The following SEMA6D variants were observed in gnomAD, a reference collection of about 807,000 sequenced individuals.
SEMA6D encodes semaphorin-6D.
SEMA6D carries 35 observed loss-of-function variants against 106.6 expected under a neutral mutation model. The observed-to-expected ratio is 0.33, with a 90% confidence interval of 0.25 to 0.44. The LOEUF is 0.44. SEMA6D is among the 20% of genes least tolerant of loss of function. The pLI, the probability that SEMA6D is intolerant of heterozygous loss-of-function variation, is 1.00. For synonymous variants in SEMA6D, 499 were observed against 487.7 expected, an observed-to-expected ratio of 1.02 and a Z score of -0.31; for missense variants, 1,185 against 1,345.9, an observed-to-expected ratio of 0.88 and a Z score of 1.87.
At chr15:47,302,154 C>G (rs1367125828) in intron 1 of SEMA6D, among the ~76,000 whole-genome samples, 1 of 152,122 alleles carries the variant, frequency 6.6e-6, no homozygotes, top group Non-Finnish European at 1.5e-5. Flanking sequence ...TTAATTTGCT[C>G]CAATTTACAC....
chr15:47,609,206 C>T (rs1039429399), intron 4 of SEMA6D, among the ~76,000 whole-genome samples: 12 of 152,076 alleles, frequency 7.9e-5, no homozygotes, highest in African/African-American at 2.7e-4. Context: ...GTAACTTTTG[C>T]GTCTATGTTA....
intron 1 of SEMA6D, among the ~76,000 whole-genome samples, chr15:47,267,053 T>G (rs1352733040): frequency 2.6e-5 from 4 of 152,134 alleles, no homozygotes; most frequent in African/African-American, 9.7e-5. Context: ...GGGGCTTTCT[T>G]TATTTCTGAG....
intron 1 of SEMA6D, among the ~76,000 whole-genome samples, chr15:47,254,882 T>TGC (rs2033717988): frequency 6.8e-6 from 1 of 147,268 alleles, no homozygotes; most frequent in South Asian, 2.1e-4. Flanking sequence ...GTTTTGTGTG[T>TGC]GTGTGTGTGT....
intron 1 of SEMA6D, among the ~76,000 whole-genome samples, chr15:47,257,837 CT>C (rs1225177274): frequency 4.6e-5 from 7 of 152,012 alleles, no homozygotes; most frequent in African/African-American, 1.7e-4. Flanking sequence ...GATTTTTCTG[CT>C]GAAGAAGAGT....
intron 3 of SEMA6D, among the ~76,000 whole-genome samples, chr15:47,552,614 A>G (rs972456532): frequency 1.4e-5 from 2 of 147,590 alleles, no homozygotes; most frequent in African/African-American, 5.0e-5. Flanking sequence ...ACATGTACAT[A>G]TTTTAGGTTT....
chr15:47,223,963 CA>C (rs2141410387), intron 1 of SEMA6D, among the ~76,000 whole-genome samples: 1 of 151,608 alleles, frequency 6.6e-6, no homozygotes, highest in East Asian at 1.9e-4. Context: ...ATTAAAATGC[CA>C]AAGCATTTTA....
chr15:47,350,063 T>C (rs549979040), intron 1 of SEMA6D, among the ~76,000 whole-genome samples: 125 of 152,196 alleles, frequency 8.2e-4, no homozygotes, highest in African/African-American at 2.9e-3. Flanking sequence ...GGAAAAATTT[T>C]TGTGTGTGCA....
chr15:47,715,243 G>A (rs936879098), upstream of SEMA6D, among the ~76,000 whole-genome samples: 2 of 152,144 alleles, frequency 1.3e-5, no homozygotes, highest in Admixed American at 6.5e-5. Flanking sequence ...AAAGCATAAG[G>A]TAGGGAGAGG....
intron 3 of SEMA6D, among the ~76,000 whole-genome samples, chr15:47,567,466 GTTCT>G (rs1200714300): frequency 6.6e-6 from 1 of 152,134 alleles, no homozygotes; most frequent in Non-Finnish European, 1.5e-5. Flanking sequence ...TCTCAAAATT[GTTCT>G]TTCTTCCTCA....
chr15:47,718,538 G>A (rs1212543971), intron 1 of SEMA6D: 1 of 152,310 alleles, frequency 6.6e-6, no homozygotes, highest in Non-Finnish European at 1.5e-5. Flanking sequence ...GCGCGCTGCG[G>A]GCGGACTCCC....
intron 3 of SEMA6D, among the ~76,000 whole-genome samples, chr15:47,513,200 C>T (rs943549475): frequency 6.6e-6 from 1 of 151,802 alleles, no homozygotes; most frequent in African/African-American, 2.4e-5. Flanking sequence ...AAAAGTGGCC[C>T]CCATCATCTG....
intron 1 of SEMA6D, among the ~76,000 whole-genome samples, chr15:47,401,873 A>G (rs979374921): frequency 7.2e-5 from 11 of 152,130 alleles, no homozygotes; most frequent in African/African-American, 2.4e-4. Flanking sequence ...CATTTGTCCA[A>G]TGTTTTTTCC....
chr15:47,201,634 A>T (rs282511), intron 1 of SEMA6D, among the ~76,000 whole-genome samples: 148,571 of 152,198 alleles, frequency 0.98, 72,624 homozygotes, highest in Middle Eastern at 1. Context: ...GCAGTCCCAC[A>T]GATCACAAAA....
At chr15:47,623,166 T>C (rs1417590540) in intron 4 of SEMA6D, among the ~76,000 whole-genome samples, 3 of 152,198 alleles carry the variant, frequency 2.0e-5, no homozygotes, top group African/African-American at 7.2e-5. Context: ...TTGTCCATGC[T>C]TCTTATCATG....
chr15:47,688,604 C>T (rs1034068109), intron 4 of SEMA6D, among the ~76,000 whole-genome samples: 3 of 152,190 alleles, frequency 2.0e-5, no homozygotes, highest in Middle Eastern at 6.8e-3. Flanking sequence ...AAGGTATTTT[C>T]CAACCTTGAG....
chr15:47,290,171 A>G (rs189705969), intron 1 of SEMA6D, among the ~76,000 whole-genome samples: 57 of 152,352 alleles, frequency 3.7e-4, no homozygotes, highest in African/African-American at 1.3e-3. Flanking sequence ...CATAAGAGAA[A>G]TTGAAGGGAT....
At chr15:47,429,056 C>G (rs1595973674) in intron 2 of SEMA6D, among the ~76,000 whole-genome samples, 2 of 151,724 alleles carry the variant, frequency 1.3e-5, no homozygotes, top group East Asian at 3.9e-4. Context: ...AAAGGAAATT[C>G]CAGTAAAATA....
intron 3 of SEMA6D, among the ~76,000 whole-genome samples, chr15:47,543,562 T>A (rs1478622765): frequency 2.6e-5 from 4 of 152,152 alleles, no homozygotes; most frequent in African/African-American, 7.2e-5. Flanking sequence ...TATGTCTTTA[T>A]TAGCAGCATG....
intron 2 of SEMA6D, among the ~76,000 whole-genome samples, chr15:47,412,931 A>T (rs79870173): frequency 0.027 from 4,125 of 152,228 alleles, 116 homozygotes; most frequent in East Asian, 0.11. Flanking sequence ...TAGTTAGGAG[A>T]TTACGTAAAA....
Sources: gnomAD v4.1 joint callset for allele counts (sites outside exome capture counted in the v4.1 genomes callset) on GRCh38, gnomAD v4.1.1 for gene constraint, MANE v1.5 for transcripts, NCBI Gene and HGNC (gene_info 2026-07-23, HGNC 2026-07-21) for gene names.